Variants in NFE2L3 observed in about 807,000 individuals in gnomAD.
NFE2L3 encodes nuclear factor erythroid 2-related factor 3.
Under a neutral mutation model 23.5 loss-of-function variants are expected in NFE2L3, and 18 were observed. The observed-to-expected ratio is 0.77, with a 90% CI of 0.53 to 1.13. The LOEUF (loss-of-function observed/expected upper bound fraction) is 1.13. Ranked by LOEUF, NFE2L3 falls within the 50% of genes most tolerant of loss-of-function variation. The pLI is 0.00. For missense variants in NFE2L3, 1,152 were observed against 877.2 expected, an observed-to-expected ratio of 1.31 and a Z score of -3.96; for synonymous variants, 424 against 354.5, an observed-to-expected ratio of 1.20 and a Z score of -2.20.
rs534580034 is a variant in NFE2L3, at chr7:26,176,176, A to G, written c.571-1767A>G. 1.9e-4 allele frequency among the ~76,000 whole-genome samples: 29 copies of G among 152,216 alleles called. No individual in the cohort carries two copies. The South Asian group carries it at 2.9e-3, about 15-fold the overall frequency. ...ATGTTTCAGAGAGCAGGGGGTTGGGAGTAAGGTTATAGATTAACAGCATCC... is the reference window on the plus strand; with the variant it reads ...ATGTTTCAGAGAGCAGGGGGTTGGGGGTAAGGTTATAGATTAACAGCATCC... On this transcript the variant is annotated intron_variant, in intron 1 of 3. Transcript: ENST00000056233.
chr7:26,185,318 G>A lies in NFE2L3; in HGVS notation c.1620G>A (p.Gln540=). 6.2e-7 allele frequency: 1 copy of A among 1,614,110 alleles called. No individual in the cohort carries two copies. The highest frequency in any genetic ancestry group is 8.5e-7 in the Non-Finnish European group (1 of 1,179,990). The part of the protein sequence containing the change: ...DTDRNLSRDE[Q]RAKALHIPFS... ...ATAGAAACTTGAGCCGTGATGAACAGCGTGCTAAAGCTTTGCATATCCCTT... is the reference window on the plus strand; with the variant it reads ...ATAGAAACTTGAGCCGTGATGAACAACGTGCTAAAGCTTTGCATATCCCTT... The change falls in exon 4 of 4, where the codon CAG becomes CAA. Residue 540 remains glutamine (Q), a synonymous_variant. Coordinates refer to ENST00000056233, the MANE Select transcript of NFE2L3 (RefSeq NM_004289.7).
rs1246820712 is a variant in NFE2L3 at position 26,184,571 on chromosome 7, C to T, written c.873C>T (p.Ile291=). The T allele has an allele frequency of 1.2e-6, 2 of 1,613,544 alleles. No individual in the cohort carries two copies. The highest frequency in any genetic ancestry group is 1.1e-5 in the South Asian group (1 of 91,018). ...GAGATATTCCTCTTCCAGGCAGTATCAGTGATGGCATGAATTCTTCAGCAC... is the reference window on the plus strand; with the variant it reads ...GAGATATTCCTCTTCCAGGCAGTATTAGTGATGGCATGAATTCTTCAGCAC... The part of the protein sequence containing the change: ...SLGDIPLPGS[I]SDGMNSSAHY... Residue 291 remains isoleucine, a synonymous_variant, in exon 4 of 4, where the codon ATC becomes ATT. Coordinates refer to ENST00000056233, the MANE Select transcript of NFE2L3 (RefSeq NM_004289.7).
At chr7:26,167,283 G>A (rs1784264775) in intron 1 of NFE2L3, among the ~76,000 whole-genome samples, 1 of 152,192 alleles carries the variant, frequency 6.6e-6, no homozygotes, top group Non-Finnish European at 1.5e-5. Flanking sequence ...AGTGCCATAA[G>A]AGAAAACCTA....
intron 1 of NFE2L3, chr7:26,174,660 TC>T (rs1348412626): frequency 6.6e-6 from 1 of 152,254 alleles, no homozygotes; most frequent in African/African-American, 2.4e-5. Context: ...CCTCCTTTTT[TC>T]TTATCTTGCC....
intron 2 of NFE2L3, 140 bp downstream of exon 2, chr7:26,178,262 C>A: frequency 1.5e-6 from 1 of 681,850 alleles, no homozygotes; most frequent in Non-Finnish European, 2.4e-6. Flanking sequence ...ATACCTATGT[C>A]TTTAAGTTAT....
chr7:26,177,540 C>T (rs1029905167), intron 1 of NFE2L3, among the ~76,000 whole-genome samples: 1 of 152,074 alleles, frequency 6.6e-6, no homozygotes, highest in African/African-American at 2.4e-5. Context: ...GAGGTTGCAG[C>T]GAGCCAAGAT....
intron 2 of NFE2L3, among the ~76,000 whole-genome samples, chr7:26,179,041 A>C (rs982333562): frequency 8.6e-5 from 13 of 150,554 alleles, no homozygotes; most frequent in African/African-American, 3.2e-4. Context: ...AACATTACTT[A>C]TTTTGCATGA....
rs540554491 is a variant in NFE2L3 at position 26,185,485 on chromosome 7, G to C, written c.1787G>C (p.Arg596Pro). The C allele has an allele frequency of 1.9e-6, 3 of 1,613,840 alleles. No individual in the cohort carries two copies. The African/African-American group carries it at 4.0e-5, about 22-fold the overall frequency. Residue 596 changes from arginine to proline, a missense_variant, in exon 4 of 4, where the codon CGT (arginine) becomes CCT (proline). Arg to Pro is a moderately radical substitution (Grantham distance 103). Coordinates refer to ENST00000056233, the MANE Select transcript of NFE2L3 (RefSeq NM_004289.7). ...AATAAAGTTGCTGCGCAGAACTGTCGTAAACGCAAATTGGACATAATTTTG... is the reference window on the plus strand; with the variant it reads ...AATAAAGTTGCTGCGCAGAACTGTCCTAAACGCAAATTGGACATAATTTTG... ...GKNKVAAQNCRKRKLDIILNL... is the reference protein window; with the variant it reads ...GKNKVAAQNCPKRKLDIILNL...
At position 26,153,030 on chromosome 7, in the gene NFE2L3, A is replaced by G; in HGVS notation, c.532A>G (p.Thr178Ala). ...AGAGGAGAAGGCACCCGCGGAACCGACGGCTCAGGTGCCGGACGCTGGCGG... is the reference window on the plus strand; with the variant it reads ...AGAGGAGAAGGCACCCGCGGAACCGGCGGCTCAGGTGCCGGACGCTGGCGG... ...GEEEKAPAEP[T>A]AQVPDAGGCA... Residue 178 changes from threonine to alanine, a missense_variant, in exon 1 of 4, where the codon ACG becomes GCG. Transcript: ENST00000056233. 6.6e-7 allele frequency: 1 copy of G among 1,526,060 alleles called. No individual in the cohort carries two copies. Among genetic ancestry groups the G allele is most frequent in the Non-Finnish European group, 8.8e-7 (1 of 1,140,618 alleles). The allele number at this position is 1,526,060 out of a possible 1,614,324, so 94.5% of individuals were successfully genotyped here.
Position 26,152,624 on chromosome 7 carries a change from G to C in NFE2L3, c.126G>C (p.Leu42=), listed in dbSNP as rs1350815899. The C allele has an allele frequency of 1.3e-6, 2 of 1,532,920 alleles. No homozygotes were observed. Among genetic ancestry groups the C allele is most frequent in the Non-Finnish European group, 1.7e-6 (2 of 1,150,698 alleles). The allele number at this position is 1,532,920 out of a possible 1,614,324, so 95.0% of individuals were successfully genotyped here. Residue 42 remains leucine, a synonymous_variant, in exon 1 of 4, where the codon CTG becomes CTC. Coordinates refer to ENST00000056233, the MANE Select transcript of NFE2L3 (RefSeq NM_004289.7). This position sits in a 1 kb window ranked among gnomAD's most constrained non-coding sequence, Gnocchi z 4.4. ...LYLLLPPPTL[L]QDELLFLGGP... ...TGCTGCTGCCGCCGCCCACCCTGCT[G>C]CAGGACGAGCTGCTGTTCCTGGGCG...
intron 1 of NFE2L3, chr7:26,173,603 A>C (rs1225803713): frequency 1.3e-5 from 2 of 152,240 alleles, no homozygotes; most frequent in Non-Finnish European, 2.9e-5. Flanking sequence ...CCTTGGCAAA[A>C]GATGAGAGGT....
At chr7:26,178,152 C>A in intron 2 of NFE2L3, 30 bp downstream of exon 2, 2 of 1,584,010 alleles carry the variant, frequency 1.3e-6, no homozygotes, top group South Asian at 1.2e-5. Flanking sequence ...CAAGCCTTGC[C>A]GTTTTGGTTT....
rs770120943 is a variant in NFE2L3, at chr7:26,185,764, A to G, written c.2066A>G (p.Gln689Arg). 11 of 1,582,146 alleles carry G rather than the reference A, an allele frequency of 7.0e-6. 1 individual carries two copies. In the South Asian group the frequency reaches 1.2e-4, roughly 17 times the overall value. The change falls in exon 4 of 4, where the codon CAA (glutamine) becomes CGA (arginine). Residue 689 changes from glutamine (Q) to arginine (R), a missense_variant. Coordinates refer to ENST00000056233, the MANE Select transcript of NFE2L3 (RefSeq NM_004289.7). ...GCCTCAGGCCACAAAAAGGAAACCCAAAAGGGAAAGAGAAAGTGAGAAGAA... is the reference window on the plus strand; with the variant it reads ...GCCTCAGGCCACAAAAAGGAAACCCGAAAGGGAAAGAGAAAGTGAGAAGAA... Reference protein sequence around the residue: ...LVASGHKKETQKGKRK With the variant: ...LVASGHKKETRKGKRK
Position 26,185,376 on chromosome 7 carries a change from G to T in NFE2L3, c.1678G>T (p.Asp560Tyr), listed in dbSNP as rs367930472. 6.2e-7 allele frequency: 1 copy of T among 1,614,084 alleles called. No homozygotes were observed. The highest frequency in any genetic ancestry group is 1.1e-5 in the South Asian group (1 of 91,064). The change falls in exon 4 of 4, where the codon GAT (aspartate) becomes TAT (tyrosine). Residue 560 changes from aspartate (D) to tyrosine (Y), a missense_variant. Coordinates refer to ENST00000056233, the MANE Select transcript of NFE2L3 (RefSeq NM_004289.7). ...SVDEIVGMPV[D>Y]SFNSMLSRYY... ...AGATGAAATTGTCGGCATGCCTGTT[G>T]ATTCTTTCAATAGCATGTTAAGTAG...
intron 1 of NFE2L3, among the ~76,000 whole-genome samples, chr7:26,168,205 C>T (rs1318362914): frequency 2.0e-5 from 3 of 150,240 alleles, no homozygotes; most frequent in African/African-American, 7.4e-5. Context: ...GGTGTGATCT[C>T]GGCTCACTGC....
chr7:26,158,785 C>T (rs1784125253), intron 1 of NFE2L3, among the ~76,000 whole-genome samples: 1 of 152,224 alleles, frequency 6.6e-6, no homozygotes, highest in African/African-American at 2.4e-5. Flanking sequence ...GTCTTGTGTG[C>T]TGGCCCTGGA....
chr7:26,184,622 T>A lies in NFE2L3; in HGVS notation c.924T>A (p.Ala308=), dbSNP rs535510355. ...SAHYHVNFSQ[A]ISQDVNLHEA... The stretch of plus-strand genomic sequence containing the variant: ...ATTATCATGTAAACTTCAGCCAGGC[T>A]ATAAGTCAGGATGTGAATCTTCATG... Residue 308 remains alanine (A), a synonymous_variant, in exon 4 of 4, where the codon GCT becomes GCA. Coordinates refer to ENST00000056233, the MANE Select transcript of NFE2L3 (RefSeq NM_004289.7). 47 of 1,613,900 alleles carry A rather than the reference T, an allele frequency of 2.9e-5. 2 individuals carry two copies. In the South Asian group the frequency reaches 4.9e-4, roughly 17 times the overall value.
intron 1 of NFE2L3, among the ~76,000 whole-genome samples, chr7:26,159,704 T>C (rs1480424800): frequency 6.6e-6 from 1 of 152,100 alleles, no homozygotes; most frequent in Admixed American, 6.6e-5. Flanking sequence ...ACTGTCTGAG[T>C]GGATGAGGGC....
At chr7:26,153,336 A>C (rs1487703766) in intron 1 of NFE2L3, among the ~76,000 whole-genome samples, 4 of 152,210 alleles carry the variant, frequency 2.6e-5, no homozygotes, top group African/African-American at 9.6e-5. Context: ...GATGGCTGGC[A>C]AGAGTAGTTC....
Sources: allele counts gnomAD v4.1 joint callset (sites outside exome capture counted in the v4.1 genomes callset), GRCh38; gene constraint gnomAD v4.1.1; non-coding constraint Gnocchi (gnomAD v3.1); transcripts MANE v1.5; gene names NCBI Gene and HGNC (gene_info 2026-07-23, HGNC 2026-07-21).